The following PARVG variants were observed in gnomAD, a reference collection of about 807,000 sequenced individuals.
The protein encoded by PARVG is parvin gamma.
Under a neutral mutation model 44.4 loss-of-function variants are expected in PARVG, and 36 were observed. That is an observed-to-expected ratio of 0.81 (90% CI 0.62 to 1.07). PARVG has a LOEUF of 1.07. Among genes scored for constraint, PARVG ranks in the 50% least tolerant of loss-of-function variants. The probability of loss-of-function intolerance (pLI) is 0.00; values close to 1 mark genes in which losing one functional copy is unlikely to be tolerated. For synonymous variants in PARVG, 170 were observed against 174.1 expected (o/e 0.98, Z 0.19); for missense variants, 407 against 407.4 (o/e 1.00, Z 0.01).
chr22:44,198,852 G>A (rs2054654541), intron 12 of PARVG, 130 bp downstream of exon 12: 1 of 679,148 alleles, frequency 1.5e-6, no homozygotes, highest in Non-Finnish European at 2.6e-6. Context: ...TTGTCTATAT[G>A]TCTGCCTATC....
chr22:44,200,891 T>C (rs2054698485), intron 12 of PARVG, among the ~76,000 whole-genome samples: 1 of 150,680 alleles, frequency 6.6e-6, no homozygotes, highest in South Asian at 2.1e-4. Flanking sequence ...CCCCTTAACC[T>C]TCCTGGACAC....
chr22:44,182,031 G>A lies in PARVG; in HGVS notation c.-13+114G>A. The stretch of plus-strand genomic sequence containing the variant: ...GCAGTCCCAGCCCAGGCCACCCGGG[G>A]AAGGGAGTCGGTAAAGTGGGACCTT... On this transcript the variant is annotated intron_variant, in intron 2 of 13. Transcript: ENST00000444313. This position sits in a 1 kb window ranked among gnomAD's most constrained non-coding sequence, Gnocchi z 4.6. The A allele has an allele frequency of 1.1e-6, 1 of 875,260 alleles. No homozygotes were observed. Among genetic ancestry groups the A allele is most frequent in the African/African-American group, 1.8e-5 (1 of 55,034 alleles). 54.2% of individuals were successfully genotyped at this position (875,260 alleles called of 1,614,324 possible).
intron 5 of PARVG, 46 bp from the exon 6 acceptor site, chr22:44,189,068 G>T (rs1246310562): frequency 3.7e-6 from 6 of 1,611,928 alleles, no homozygotes; most frequent in Non-Finnish European, 5.1e-6. Context: ...GGTGCTCTCT[G>T]GTCTGTCCCC....
intron 12 of PARVG, among the ~76,000 whole-genome samples, chr22:44,201,639 T>C (rs1057466868): frequency 6.6e-6 from 1 of 152,208 alleles, no homozygotes; most frequent in Non-Finnish European, 1.5e-5. Flanking sequence ...CAGCCAGCCA[T>C]TGCCACAAAC....
At chr22:44,194,169 G>C (rs1379094083) in intron 9 of PARVG, among the ~76,000 whole-genome samples, 1 of 152,188 alleles carries the variant, frequency 6.6e-6, no homozygotes, top group Non-Finnish European at 1.5e-5. Flanking sequence ...ATCTTAACTT[G>C]TCCGTGCCTC....
At chr22:44,204,264 G>A (rs1601750465) in intron 12 of PARVG, among the ~76,000 whole-genome samples, 1 of 152,188 alleles carries the variant, frequency 6.6e-6, no homozygotes, top group South Asian at 2.1e-4. Context: ...ACGTGGAGAA[G>A]GACTCTGCTC....
At chr22:44,206,060 C>T (rs1191790755) in intron 13 of PARVG, among the ~76,000 whole-genome samples, 2 of 152,234 alleles carry the variant, frequency 1.3e-5, no homozygotes, top group Admixed American at 6.5e-5. Flanking sequence ...GACAGGTTGT[C>T]CAGAGAAGCC....
chr22:44,187,841 G>A lies in PARVG; in HGVS notation c.210G>A (p.Glu70=), dbSNP rs771784171. The change falls in exon 5 of 14, where the codon GAG becomes GAA. Residue 70 remains glutamate (E), a synonymous_variant. Coordinates refer to ENST00000444313, the MANE Select transcript of PARVG (RefSeq NM_022141.7). ...PEHIVVRSLE[E]DMFDGLILHH... ...ACATTGTGGTCCGCAGCCTGGAGGAGGACATGTTCGACGGGCTCATCCTAC... is the reference window on the plus strand; with the variant it reads ...ACATTGTGGTCCGCAGCCTGGAGGAAGACATGTTCGACGGGCTCATCCTAC... The A allele has an allele frequency of 3.7e-6, 6 of 1,614,266 alleles. No homozygotes were observed. Among genetic ancestry groups the A allele is most frequent in the Non-Finnish European group, 5.1e-6 (6 of 1,180,052 alleles).
intron 12 of PARVG, among the ~76,000 whole-genome samples, chr22:44,199,648 G>A (rs1193429039): frequency 6.6e-6 from 1 of 152,208 alleles, no homozygotes; most frequent in Non-Finnish European, 1.5e-5. Context: ...GGAGGGGCCT[G>A]GAAGAATGAG....
intron 11 of PARVG, 125 bp downstream of exon 11, chr22:44,196,540 G>T: frequency 8.6e-7 from 1 of 1,168,692 alleles, no homozygotes; most frequent in South Asian, 1.3e-5. Flanking sequence ...GGAGCCTTAG[G>T]GTCCCCCTCC....
chr22:44,185,925 G>A (rs766024944), intron 4 of PARVG, 53 bp downstream of exon 4: 23 of 1,552,168 alleles, frequency 1.5e-5, no homozygotes, highest in Non-Finnish European at 1.9e-5. Flanking sequence ...GGCAGACCAG[G>A]CAGCGGCCTC....
chr22:44,179,388 A>T (rs1181995812), upstream of PARVG, among the ~76,000 whole-genome samples: 2 of 152,246 alleles, frequency 1.3e-5, no homozygotes, highest in Non-Finnish European at 2.9e-5. This position sits in a 1 kb window ranked among gnomAD's most constrained non-coding sequence, Gnocchi z 4.2. Flanking sequence ...TTTGAGGGCT[A>T]TCAGAGAACT....
At chr22:44,174,854 G>A (rs764167042) in intron 1 of PARVG, among the ~76,000 whole-genome samples, 15 of 152,298 alleles carry the variant, frequency 9.8e-5, no homozygotes, top group Non-Finnish European at 1.9e-4. Context: ...GGGCACAGTG[G>A]CTTATGCCTG....
At chr22:44,196,247 G>GCTGC (rs746940845) in intron 10 of PARVG, 34 bp downstream of exon 10, 11 of 1,614,132 alleles carry the variant, frequency 6.8e-6, no homozygotes, top group African/African-American at 5.3e-5. Flanking sequence ...CGGCTCTCAG[G>GCTGC]CTGCCCACCC....
Position 44,193,668 on chromosome 22 carries a change from T to C in PARVG, c.561-133T>C, listed in dbSNP as rs1362238758. The C allele has an allele frequency of 4.4e-6, 5 of 1,129,006 alleles. No homozygotes were observed. In the African/African-American group the frequency reaches 6.3e-5, roughly 14 times the overall value. The allele number at this position is 1,129,006 out of a possible 1,614,324, so 69.9% of individuals were successfully genotyped here. A position where few individuals can be genotyped will look rare whatever the true frequency, so the allele number is the denominator to read the frequency against. ...CTGCTATCTGCCCTACCTACAAAGCTGCCAGGAAAACCACAAGCATGCCAG... is the reference window on the plus strand; with the variant it reads ...CTGCTATCTGCCCTACCTACAAAGCCGCCAGGAAAACCACAAGCATGCCAG... On this transcript the variant is annotated intron_variant, in intron 8 of 13. Coordinates refer to ENST00000444313, the MANE Select transcript of PARVG (RefSeq NM_022141.7).
chr22:44,179,376 G>T (rs1367886428), upstream of PARVG, among the ~76,000 whole-genome samples: 1 of 152,228 alleles, frequency 6.6e-6, no homozygotes, highest in Non-Finnish European at 1.5e-5. The surrounding 1 kb of genome is among the most constrained non-coding windows in gnomAD (Gnocchi z 4.2). Context: ...ATGAGAGATA[G>T]CTTTGAGGGC....
intron 6 of PARVG, 63 bp from the exon 7 acceptor site, chr22:44,190,488 C>A: frequency 8.0e-7 from 1 of 1,250,028 alleles, no homozygotes; most frequent in Non-Finnish European, 1.2e-6. Context: ...GTGAGGAAGC[C>A]TCCATTTGGC....
intron 4 of PARVG, chr22:44,187,301 A>T (rs781700710): frequency 5.6e-6 from 1 of 177,038 alleles, no homozygotes; most frequent in Non-Finnish European, 1.2e-5. Context: ...TGGATGCATC[A>T]CTGCAGTCCC....
chr22:44,177,179 TATA>T (rs1252855256), upstream of PARVG, among the ~76,000 whole-genome samples: 1 of 152,212 alleles, frequency 6.6e-6, no homozygotes, highest in African/African-American at 2.4e-5. Context: ...CCTCTCTCGA[TATA>T]ATAATAATGA....
Sources: gnomAD v4.1 joint callset for allele counts (sites outside exome capture counted in the v4.1 genomes callset) on GRCh38, gnomAD v4.1.1 for gene constraint, Gnocchi (gnomAD v3.1) non-coding constraint, MANE v1.5 for transcripts, NCBI Gene and HGNC (gene_info 2026-07-23, HGNC 2026-07-21) for gene names.